The following ZNF362 variants were observed in gnomAD, a reference collection of about 807,000 sequenced individuals.
ZNF362 encodes zinc finger protein 362.
Under a neutral mutation model 42.9 loss-of-function variants are expected in ZNF362, and 11 were observed. The ratio of observed to expected loss-of-function variants is 0.26; its 90% confidence interval spans 0.16 to 0.42. The LOEUF is 0.42. Ranked by LOEUF, ZNF362 falls within the 20% of genes least tolerant of loss-of-function variation. ZNF362 has a pLI of 1.00. For synonymous variants in ZNF362, 255 were observed against 257.3 expected (o/e 0.99, Z 0.09); for missense variants, 362 against 576.2 (o/e 0.63, Z 3.81).
chr1:33,265,135 G>T (rs1029773590), intron 1 of ZNF362, among the ~76,000 whole-genome samples: 5 of 151,670 alleles, frequency 3.3e-5, no homozygotes, highest in Non-Finnish European at 5.9e-5. Flanking sequence ...GGAGCTGGGG[G>T]TCCCCAGGAG....
chr1:33,141,337 C>CTGTG, the ZNF362 span, among the ~76,000 whole-genome samples: 1 of 152,110 alleles, frequency 6.6e-6, no homozygotes, highest in Non-Finnish European at 1.5e-5. Flanking sequence ...GGGCTGGGGC[C>CTGTG]CTCTCAGTTA....
chr1:33,275,993 A>G (rs1645942153), intron 2 of ZNF362, 107 bp from the exon 3 acceptor site: 8 of 1,265,336 alleles, frequency 6.3e-6, no homozygotes, highest in South Asian at 5.0e-5. Context: ...CCACGGGGAC[A>G]TGGATCCCAG....
the ZNF362 span, among the ~76,000 whole-genome samples, chr1:33,172,021 A>G: frequency 1.1e-4 from 16 of 152,250 alleles, no homozygotes; most frequent in African/African-American, 3.6e-4. Flanking sequence ...ACCTCAAGTG[A>G]TCTGCCTACC....
chr1:33,238,761 A>T, the ZNF362 span, among the ~76,000 whole-genome samples: 1 of 152,122 alleles, frequency 6.6e-6, no homozygotes, highest in African/African-American at 2.4e-5. Context: ...GGTCCTTATG[A>T]GAGGAGGAAG....
chr1:33,254,632 C>G (rs146237120), upstream of ZNF362, among the ~76,000 whole-genome samples: 1 of 152,178 alleles, frequency 6.6e-6, no homozygotes, highest in Non-Finnish European at 1.5e-5. Context: ...TAGTATCAAG[C>G]ACATATCAAC....
At chr1:33,252,301 G>A (rs141215254), upstream of ZNF362, among the ~76,000 whole-genome samples, 1,722 of 152,256 alleles carry the variant, frequency 0.011, 32 homozygotes, top group African/African-American at 0.039. Flanking sequence ...GCGGTGAGCC[G>A]AGATTGCATC....
chr1:33,166,283 A>C, the ZNF362 span: 1 of 152,238 alleles, frequency 6.6e-6, no homozygotes, highest in African/African-American at 2.4e-5. Context: ...ATAGAAATAA[A>C]GTGCACAATA....
At chr1:33,201,054 T>C in the ZNF362 span, among the ~76,000 whole-genome samples, 1 of 152,214 alleles carries the variant, frequency 6.6e-6, no homozygotes, top group Non-Finnish European at 1.5e-5. Flanking sequence ...CCTCCATATC[T>C]GTGAGGAAAT....
chr1:33,281,956 C>A lies in ZNF362; in HGVS notation c.908+145C>A, dbSNP rs1645997810. The A allele has an allele frequency of 1.1e-5, 8 of 744,470 alleles. No homozygotes were observed. The highest frequency in any genetic ancestry group is 1.0e-4 in the South Asian group (6 of 58,476). The allele number at this position is 744,470 out of a possible 1,614,324, so 46.1% of individuals were successfully genotyped here. A position where few individuals can be genotyped will look rare whatever the true frequency, so the allele number is the denominator to read the frequency against. On this transcript the variant is annotated intron_variant, in intron 6 of 8. Transcript: ENST00000539719. The surrounding 1 kb of genome is among the most constrained non-coding windows in gnomAD (Gnocchi z 4.8). ...TCACGGCCCTTGTGGACCTCACTGG[C>A]CTCAGCTGTTGTTACTGCACCCCGT...
At chr1:33,174,189 G>T in the ZNF362 span, among the ~76,000 whole-genome samples, 3 of 148,084 alleles carry the variant, frequency 2.0e-5, no homozygotes, top group East Asian at 2.0e-4. Context: ...TTCCTTTTTG[G>T]TTTTTTGAGA....
chr1:33,276,289 C>G (rs1645945800), intron 3 of ZNF362, 59 bp from the exon 4 acceptor site: 1 of 1,546,852 alleles, frequency 6.5e-7, no homozygotes, highest in African/African-American at 1.4e-5. Flanking sequence ...GACCAGCGGG[C>G]CTGGGCAAGG....
At chr1:33,273,411 A>G (rs1474792847) in intron 2 of ZNF362, among the ~76,000 whole-genome samples, 2 of 152,218 alleles carry the variant, frequency 1.3e-5, no homozygotes, top group African/African-American at 2.4e-5. Context: ...AGGATGTTCT[A>G]TCCCAGCTGT....
chr1:33,187,004 G>T, the ZNF362 span, among the ~76,000 whole-genome samples: 1 of 151,682 alleles, frequency 6.6e-6, no homozygotes, highest in Non-Finnish European at 1.5e-5. Flanking sequence ...GGAAGGGAAG[G>T]CAGCCCCATA....
intron 2 of ZNF362, 91 bp from the exon 3 acceptor site, chr1:33,276,009 G>A (rs1448005750): frequency 3.5e-6 from 5 of 1,432,534 alleles, no homozygotes; most frequent in Non-Finnish European, 2.9e-6. Context: ...CCCAGACACT[G>A]GCCCTGACTT....
At chr1:33,150,658 G>A in the ZNF362 span, among the ~76,000 whole-genome samples, 1 of 152,318 alleles carries the variant, frequency 6.6e-6, no homozygotes. Flanking sequence ...GGTCTGACTG[G>A]CCACAGGCAG....
At chr1:33,198,243 A>G in the ZNF362 span, among the ~76,000 whole-genome samples, 13 of 152,338 alleles carry the variant, frequency 8.5e-5, no homozygotes, top group African/African-American at 2.9e-4. Context: ...GTGGTGGCTC[A>G]TGCCTATAAA....
At chr1:33,194,454 C>T in the ZNF362 span, among the ~76,000 whole-genome samples, 1 of 147,424 alleles carries the variant, frequency 6.8e-6, no homozygotes, top group African/African-American at 2.5e-5. Flanking sequence ...GGAGAATCAC[C>T]TGAGCTTGGG....
At chr1:33,213,056 A>G in the ZNF362 span, among the ~76,000 whole-genome samples, 654 of 152,368 alleles carry the variant, frequency 4.3e-3, 6 homozygotes, top group African/African-American at 0.015. Flanking sequence ...GTGCAATAGC[A>G]TGGCTGAATC....
chr1:33,205,465 A>G, the ZNF362 span, among the ~76,000 whole-genome samples: 2 of 152,312 alleles, frequency 1.3e-5, no homozygotes, highest in African/African-American at 4.8e-5. Flanking sequence ...AGCCTGGGCA[A>G]CAAATAAAGA....
Sources: gnomAD v4.1 joint callset for allele counts (sites outside exome capture counted in the v4.1 genomes callset) on GRCh38, gnomAD v4.1.1 for gene constraint, Gnocchi (gnomAD v3.1) non-coding constraint, MANE v1.5 for transcripts, NCBI Gene and HGNC (gene_info 2026-07-23, HGNC 2026-07-21) for gene names.